Variants in UHRF1 observed in about 807,000 individuals in gnomAD.
UHRF1 encodes the protein ubiquitin like with PHD and ring finger domains 1, also known as E3 ubiquitin-protein ligase UHRF1.
UHRF1 carries 9 observed loss-of-function variants against 96.5 expected under a neutral mutation model. The ratio of observed to expected loss-of-function variants is 0.09; its 90% confidence interval spans 0.06 to 0.16. UHRF1 has a LOEUF of 0.16. Ranked by LOEUF, UHRF1 falls within the 10% of genes least tolerant of loss-of-function variation. The probability of loss-of-function intolerance (pLI) is 1.00; values close to 1 mark genes in which losing one functional copy is unlikely to be tolerated. For missense variants in UHRF1, 626 were observed against 1,131.1 expected, an observed-to-expected ratio of 0.55 and a Z score of 6.40; for synonymous variants, 455 against 469.9, an observed-to-expected ratio of 0.97 and a Z score of 0.41.
chr19:4,945,979 T>TGGGTGG lies in UHRF1; in HGVS notation c.1410+17_1410+18insTGGGGG. 8.7e-6 allele frequency: 5 copies of TGGGTGG among 576,882 alleles called. No individual in the cohort carries two copies. Among genetic ancestry groups the TGGGTGG allele is most frequent in the Non-Finnish European group, 1.4e-5 (5 of 358,712 alleles). 35.7% of individuals were successfully genotyped at this position (576,882 alleles called of 1,614,324 possible). ...GAGGATGATGTGGTGAGTGTGTGTG[T>TGGGTGG]GGGAGGGGTGGGGGAGGGTTGCTCT... On this transcript the variant is annotated intron_variant, in intron 10 of 16. Transcript: ENST00000650932.
In UHRF1 at chr19:4,947,168, A is replaced by T; in HGVS notation, c.1474A>T (p.Thr492Ser). Residue 492 changes from threonine to serine, a missense_variant, in exon 11 of 17, where the codon ACC (threonine) becomes TCC (serine). This residue lies in a region of UHRF1 where 61 missense variants were observed against 199.2 expected (regional missense o/e 0.31). Transcript: ENST00000650932. ...GGRDLSGNKR[T>S]AEQSCDQKLT... The stretch of plus-strand genomic sequence containing the variant: ...TCGAGATCTTTCCGGCAACAAGAGG[A>T]CCGCGGAACAGTCTTGTGATCAGAA... The T allele has an allele frequency of 6.2e-7, 1 of 1,613,232 alleles. No homozygotes were observed. The highest frequency in any genetic ancestry group is 8.5e-7 in the Non-Finnish European group (1 of 1,179,600).
chr19:4,921,751 C>G (rs1165661643), intron 2 of UHRF1, among the ~76,000 whole-genome samples: 1 of 152,004 alleles, frequency 6.6e-6, no homozygotes, highest in Admixed American at 6.6e-5. Flanking sequence ...GGAGGGAGAC[C>G]CTGTTTTAAG....
intron 2 of UHRF1, among the ~76,000 whole-genome samples, chr19:4,924,152 A>AT (rs999281311): frequency 7.3e-5 from 11 of 150,866 alleles, no homozygotes; most frequent in Non-Finnish European, 1.0e-4. Flanking sequence ...TTAATTTTTA[A>AT]TTTTTTTATT....
Position 4,930,923 on chromosome 19 carries a change from G to A in UHRF1, c.569+47G>A, listed in dbSNP as rs368098127. 113 of 1,605,402 alleles carry A rather than the reference G, an allele frequency of 7.0e-5. No homozygotes were observed. In the African/African-American group the frequency reaches 8.8e-4, roughly 13 times the overall value. ...GGCCTGGGTATTCAGGCTCTGTGAC[G>A]CGCATCCTTGGCTGCGGGTGTTCAG... On this transcript the variant is annotated intron_variant, in intron 4 of 16. Coordinates refer to ENST00000650932, the MANE Select transcript of UHRF1 (RefSeq NM_001048201.3). The surrounding 1 kb of genome is among the most constrained non-coding windows in gnomAD (Gnocchi z 4.4).
upstream of UHRF1, among the ~76,000 whole-genome samples, chr19:4,904,800 G>A (rs1355887271): frequency 6.6e-6 from 1 of 152,214 alleles, no homozygotes; most frequent in Non-Finnish European, 1.5e-5. Flanking sequence ...TGACCTCTGA[G>A]AATGTATCAT....
intron 16 of UHRF1, among the ~76,000 whole-genome samples, chr19:4,958,752 A>G (rs1183740343): frequency 2.0e-5 from 3 of 151,940 alleles, no homozygotes; most frequent in African/African-American, 7.2e-5. Context: ...TGGGAGGATC[A>G]CTTGAGGTCA....
At chr19:4,947,050 C>CTTTTTT (rs374695577) in intron 10 of UHRF1, 55 bp from the exon 11 acceptor site, 2 of 1,153,990 alleles carry the variant, frequency 1.7e-6, no homozygotes, top group Non-Finnish European at 2.5e-6. Context: ...AATGCAGTCT[C>CTTTTTT]TTTTTTTTTT....
rs17880201 is a variant in UHRF1, at chr19:4,944,497, G to C, written c.1305+47G>C. 1.2e-5 allele frequency: 20 copies of C among 1,602,100 alleles called. No individual in the cohort carries two copies. In the Admixed American group the frequency reaches 3.2e-4, roughly 25 times the overall value. On this transcript the variant is annotated intron_variant, in intron 9 of 16. Transcript: ENST00000650932. ...TCCAGGGGCCACGCGGGCTCATCCTGCTTTTCTGGGGGCAGTTTCTCCTGG... is the reference window on the plus strand; with the variant it reads ...TCCAGGGGCCACGCGGGCTCATCCTCCTTTTCTGGGGGCAGTTTCTCCTGG...
intron 5 of UHRF1, among the ~76,000 whole-genome samples, chr19:4,933,320 A>C (rs1392533247): frequency 6.6e-6 from 1 of 151,952 alleles, no homozygotes; most frequent in East Asian, 1.9e-4. Flanking sequence ...GGTTCATGCC[A>C]TTCTCCTGCC....
Position 4,938,069 on chromosome 19 carries a change from G to A in UHRF1, c.786-3459G>A, listed in dbSNP as rs112580124. On this transcript the variant is annotated intron_variant, in intron 5 of 16. Transcript: ENST00000650932. ...CTTGGGAGGCTGAGGCAGGAGAATC[G>A]TTTGAACCTGGGAGGTGGAGGTTGC... 7.6e-3 allele frequency among the ~76,000 whole-genome samples: 1,150 copies of A among 151,956 alleles called. 12 individuals are homozygous for A. Among genetic ancestry groups the A allele is most frequent in the African/African-American group, 0.026 (1,097 of 41,458 alleles).
In UHRF1 at chr19:4,960,984, T is replaced by A. The variant is rs1454151176; in HGVS notation, c.*181T>A. ...TTCAAATCTATACATTTTCAGGAAT[T>A]TATGTATTCTGGCTAAAAGTTGGAC... On this transcript the variant is annotated 3_prime_UTR_variant, in exon 17 of 17. Transcript: ENST00000650932. The A allele has an allele frequency of 4.9e-6, 2 of 411,998 alleles. No individual in the cohort carries two copies. The highest frequency in any genetic ancestry group is 8.7e-5 in the East Asian group (2 of 22,926). The allele number at this position is 411,998 out of a possible 1,614,324, so 25.5% of individuals were successfully genotyped here.
upstream of UHRF1, chr19:4,909,344 TAGGCGGAGGCGCCGTGGACAG>T (rs2032152492): frequency 1.7e-6 from 1 of 590,044 alleles, no homozygotes; most frequent in African/African-American, 2.0e-5. Flanking sequence ...CGTGGCCCAC[TAGGCGGAGGCGCCGTGGACAG>T]AGGCGGGGGC....
At chr19:4,936,803 CAA>C (rs200751668) in intron 5 of UHRF1, among the ~76,000 whole-genome samples, 11 of 69,740 alleles carry the variant, frequency 1.6e-4, no homozygotes, top group Non-Finnish European at 2.8e-4. Flanking sequence ...AGAGAGTCTG[CAA>C]AAAAAAAAAA....
chr19:4,918,737 T>C (rs1459969647), intron 2 of UHRF1, among the ~76,000 whole-genome samples: 1 of 149,554 alleles, frequency 6.7e-6, no homozygotes, highest in Non-Finnish European at 1.5e-5. Context: ...TTTTTTTTTT[T>C]TTAGACAGGC....
intron 2 of UHRF1, among the ~76,000 whole-genome samples, chr19:4,911,418 G>A (rs2032270983): frequency 6.6e-6 from 1 of 152,146 alleles, no homozygotes; most frequent in Non-Finnish European, 1.5e-5. Flanking sequence ...AGGGGACCAG[G>A]TTTTCTTTTT....
chr19:4,917,118 T>G (rs1421855221), intron 2 of UHRF1, among the ~76,000 whole-genome samples: 11 of 148,544 alleles, frequency 7.4e-5, no homozygotes, highest in South Asian at 2.1e-4. Context: ...TTCGTTTTTT[T>G]TTTTTTTTTT....
Position 4,923,523 on chromosome 19 carries a change from C to T in UHRF1, c.154-5699C>T, listed in dbSNP as rs74757835. On this transcript the variant is annotated intron_variant, in intron 2 of 16. Transcript: ENST00000650932. Reference sequence around the variant, plus strand: ...CTGCCCCATGCAGCTGAGCCATGAGCGCGGCCTGTGTGCCCCTCTCCCGCT... The same window carrying T: ...CTGCCCCATGCAGCTGAGCCATGAGTGCGGCCTGTGTGCCCCTCTCCCGCT... Among the ~76,000 whole-genome samples the T allele has an allele frequency of 7.1e-3, 1,076 of 152,322 alleles. 15 individuals carry two copies. Among genetic ancestry groups the T allele is most frequent in the African/African-American group, 0.024 (1,000 of 41,566 alleles).
chr19:4,943,524 G>A (rs1300228514), intron 7 of UHRF1, among the ~76,000 whole-genome samples: 1 of 151,732 alleles, frequency 6.6e-6, no homozygotes, highest in Non-Finnish European at 1.5e-5. Context: ...TAGAGATGGG[G>A]AAACTGAGTC....
At chr19:4,939,807 A>T (rs372109993) in intron 5 of UHRF1, among the ~76,000 whole-genome samples, 2 of 152,076 alleles carry the variant, frequency 1.3e-5, no homozygotes, top group African/African-American at 2.4e-5. Context: ...GGCGGATCAC[A>T]AGGTCAGGAG....
Sources: gnomAD v4.1 joint callset for allele counts (sites outside exome capture counted in the v4.1 genomes callset) on GRCh38, gnomAD v4.1.1 for gene constraint, gnomAD v4.1.1 regional missense constraint, Gnocchi (gnomAD v3.1) non-coding constraint, MANE v1.5 for transcripts, NCBI Gene and HGNC (gene_info 2026-07-23, HGNC 2026-07-21) for gene names.